Variants in LARGE1 observed in about 807,000 individuals in gnomAD.
LARGE1 encodes xylosyl- and glucuronyltransferase LARGE1.
Under a neutral mutation model 87.6 loss-of-function variants are expected in LARGE1, and 43 were observed. The ratio of observed to expected loss-of-function variants is 0.49; its 90% confidence interval spans 0.38 to 0.63. LARGE1 has a LOEUF of 0.63. Ranked by LOEUF, LARGE1 falls within the 30% of genes least tolerant of loss-of-function variation. The pLI is 0.00. For synonymous variants in LARGE1, 434 were observed against 394.6 expected, an observed-to-expected ratio of 1.10 and a Z score of -1.18; for missense variants, 802 against 1,000.2, an observed-to-expected ratio of 0.80 and a Z score of 2.67.
At chr22:33,713,414 A>C (rs2082801888) in intron 2 of LARGE1, among the ~76,000 whole-genome samples, 1 of 152,218 alleles carries the variant, frequency 6.6e-6, no homozygotes, top group Non-Finnish European at 1.5e-5. Flanking sequence ...GCAGAGAACC[A>C]CATCTGGCTA....
At chr22:33,452,279 A>C (rs550540863) in intron 6 of LARGE1, among the ~76,000 whole-genome samples, 2 of 152,350 alleles carry the variant, frequency 1.3e-5, no homozygotes, top group South Asian at 4.1e-4. Context: ...ATAAGGGGAC[A>C]CAGCAAGGGT....
At chr22:33,172,062 A>T (rs1188882467) in intron 11 of LARGE1, among the ~76,000 whole-genome samples, 1 of 152,248 alleles carries the variant, frequency 6.6e-6, no homozygotes, top group Non-Finnish European at 1.5e-5. Context: ...CCTGGATGTG[A>T]GACATGGAAT....
At chr22:33,874,270 C>A (rs1488232684) in intron 1 of LARGE1, among the ~76,000 whole-genome samples, 1 of 152,134 alleles carries the variant, frequency 6.6e-6, no homozygotes, top group East Asian at 1.9e-4. Flanking sequence ...CTCAAGGAAA[C>A]CCTGTGCAGA....
At chr22:33,707,426 T>C (rs938135144) in intron 2 of LARGE1, among the ~76,000 whole-genome samples, 1 of 152,238 alleles carries the variant, frequency 6.6e-6, no homozygotes, top group Non-Finnish European at 1.5e-5. Flanking sequence ...AGTCTCAAGG[T>C]GTTAACAGCT....
chr22:33,837,420 GAATTTT>G (rs2063143589), intron 1 of LARGE1, among the ~76,000 whole-genome samples: 1 of 151,952 alleles, frequency 6.6e-6, no homozygotes, highest in Admixed American at 6.6e-5. Flanking sequence ...GCAACATTAC[GAATTTT>G]TTAACAACAA....
chr22:33,731,133 G>C (rs2083452900), intron 2 of LARGE1, among the ~76,000 whole-genome samples: 1 of 151,746 alleles, frequency 6.6e-6, no homozygotes. Flanking sequence ...CTTCCCAGTA[G>C]CTGGGACTAC....
chr22:33,797,883 T>A (rs764694389), intron 1 of LARGE1, among the ~76,000 whole-genome samples: 1 of 152,240 alleles, frequency 6.6e-6, no homozygotes, highest in Non-Finnish European at 1.5e-5. Flanking sequence ...CACTCCCATG[T>A]GGCTCACCTA....
chr22:33,624,009 G>A (rs550183392), intron 4 of LARGE1, among the ~76,000 whole-genome samples: 9 of 152,074 alleles, frequency 5.9e-5, no homozygotes, highest in East Asian at 5.8e-4. Flanking sequence ...CAGCCTTGGC[G>A]ACAAGAGCAA....
At chr22:33,271,582 A>G (rs988094604), downstream of LARGE1, among the ~76,000 whole-genome samples, 1 of 152,238 alleles carries the variant, frequency 6.6e-6, no homozygotes, top group African/African-American at 2.4e-5. Context: ...TTATTTAAGC[A>G]TGAAAACATC....
chr22:33,244,350 T>G (rs1448024483), intron 11 of LARGE1, among the ~76,000 whole-genome samples: 1 of 152,134 alleles, frequency 6.6e-6, no homozygotes, highest in Non-Finnish European at 1.5e-5. Context: ...TGTCACAAAT[T>G]CTAATAAGCT....
chr22:33,828,584 A>G (rs1360705280), intron 1 of LARGE1, among the ~76,000 whole-genome samples: 1 of 152,208 alleles, frequency 6.6e-6, no homozygotes, highest in Non-Finnish European at 1.5e-5. Context: ...AGGAGTGAGA[A>G]GTAAGCGACG....
intron 1 of LARGE1, among the ~76,000 whole-genome samples, chr22:33,873,665 C>T (rs1397121401): frequency 1.3e-5 from 2 of 152,166 alleles, no homozygotes; most frequent in African/African-American, 4.8e-5. Context: ...ATCCAAAACA[C>T]CCCATCACCA....
the LARGE1 span, among the ~76,000 whole-genome samples, chr22:33,141,521 T>C: frequency 6.6e-6 from 1 of 152,010 alleles, no homozygotes; most frequent in African/African-American, 2.4e-5. Flanking sequence ...TATATACGTA[T>C]AAAATACATA....
At chr22:33,406,429 T>G (rs1242328125) in intron 7 of LARGE1, among the ~76,000 whole-genome samples, 1 of 152,214 alleles carries the variant, frequency 6.6e-6, no homozygotes, top group African/African-American at 2.4e-5. Context: ...TCTTGAGAGC[T>G]TGCAGGATTT....
At position 33,316,300 on chromosome 22, in the gene LARGE1, C is replaced by A. The variant is rs752433093; in HGVS notation, c.1288-52G>T. On this transcript the variant is annotated intron_variant, in intron 10 of 14. Transcript: ENST00000397394. Reference sequence around the variant, plus strand: ...CACGTGAAGAAGAGGTCCGAGGGGGCCCATGAGCTTGCCCCTTGAGCCCTG... The same window carrying A: ...CACGTGAAGAAGAGGTCCGAGGGGGACCATGAGCTTGCCCCTTGAGCCCTG... 12 of 1,589,400 alleles carry A rather than the reference C, an allele frequency of 7.6e-6. No homozygotes were observed. The Admixed American group carries it at 1.9e-4, about 25-fold the overall frequency.
At chr22:33,079,169 G>A in the LARGE1 span, among the ~76,000 whole-genome samples, 128 of 150,860 alleles carry the variant, frequency 8.5e-4, no homozygotes, top group African/African-American at 2.9e-3. Context: ...TACATAAAGC[G>A]CTTAGAGGCA....
At chr22:33,841,720 A>G (rs966483642) in intron 1 of LARGE1, among the ~76,000 whole-genome samples, 13 of 152,184 alleles carry the variant, frequency 8.5e-5, no homozygotes, top group African/African-American at 3.1e-4. Context: ...CATCTCCACC[A>G]AAGTCCATGG....
intron 6 of LARGE1, among the ~76,000 whole-genome samples, chr22:33,460,265 C>T (rs1025472714): frequency 6.6e-6 from 1 of 152,182 alleles, no homozygotes; most frequent in Non-Finnish European, 1.5e-5. Flanking sequence ...TTATCTTTAA[C>T]AGTGACAGGC....
chr22:33,514,731 T>C lies in LARGE1; in HGVS notation c.787+50117A>G, dbSNP rs185901625. Among the ~76,000 whole-genome samples, 464 of 152,310 alleles carry C rather than the reference T, an allele frequency of 3.0e-3. 4 individuals are homozygous for C. Among genetic ancestry groups the C allele is most frequent in the South Asian group, 0.019 (91 of 4,814 alleles). Reference sequence around the variant, plus strand: ...GTATATATATATCATATAGCCTTCTTTTAGTCGGCTAGTCTACACGTGGAG... The same window carrying C: ...GTATATATATATCATATAGCCTTCTCTTAGTCGGCTAGTCTACACGTGGAG... On this transcript the variant is annotated intron_variant, in intron 6 of 14. Coordinates refer to ENST00000397394, the MANE Select transcript of LARGE1 (RefSeq NM_133642.5).
Sources: allele counts gnomAD v4.1 joint callset (sites outside exome capture counted in the v4.1 genomes callset), GRCh38; gene constraint gnomAD v4.1.1; transcripts MANE v1.5; gene names NCBI Gene and HGNC (gene_info 2026-07-23, HGNC 2026-07-21).